PLEKHG7: variants seen among roughly 807,000 people sequenced by gnomAD.
PLEKHG7 encodes the protein pleckstrin homology and RhoGEF domain containing G7, also known as pleckstrin homology domain-containing family G member 7.
Under a neutral mutation model 85.2 loss-of-function variants are expected in PLEKHG7, and 77 were observed. The ratio of observed to expected loss-of-function variants is 0.90; its 90% confidence interval spans 0.75 to 1.09. PLEKHG7 has a LOEUF of 1.09. PLEKHG7 is among the 50% of genes least tolerant of loss of function. The pLI is 0.00. For synonymous variants in PLEKHG7, 301 were observed against 302.4 expected (o/e 1.00, Z 0.05); for missense variants, 777 against 804.3 (o/e 0.97, Z 0.41).
intron 15 of PLEKHG7, among the ~76,000 whole-genome samples, chr12:92,767,092 T>A (rs1347978718): frequency 1.3e-5 from 2 of 152,172 alleles, no homozygotes; most frequent in Admixed American, 1.3e-4. Flanking sequence ...AAAATTAATA[T>A]GTTTCCTCAT....
chr12:92,755,913 T>G lies in PLEKHG7; in HGVS notation c.1515T>G (p.Asp505Glu). Reference sequence around the variant, plus strand: ...TTATAGTGTGGCCACCGCTTTGGGATAGAGATAAAAGGTTTTTCATTCCAG... The same window carrying G: ...TTATAGTGTGGCCACCGCTTTGGGAGAGAGATAAAAGGTTTTTCATTCCAG... ...QEIIVWPPLWDRDKRFFIPEC... is the reference protein window; with the variant it reads ...QEIIVWPPLWERDKRFFIPEC... Residue 505 changes from aspartate (D) to glutamate (E), a missense_variant, in exon 12 of 17, where the codon GAT (aspartate) becomes GAG (glutamate). Physicochemically the swap from Asp to Glu is conservative, Grantham distance 45 (BLOSUM62 2). Around this residue, in one of 3 missense-constraint regions of PLEKHG7, gnomAD observed 520 missense variants for 544.0 expected, o/e 0.96. Coordinates refer to ENST00000344636, the MANE Select transcript of PLEKHG7 (RefSeq NM_001377329.1). The G allele has an allele frequency of 2.5e-6, 4 of 1,612,388 alleles. No individual in the cohort carries two copies. The African/African-American group carries it at 4.0e-5, about 16-fold the overall frequency.
At chr12:92,765,325 TAAAA>T (rs59974651) in intron 15 of PLEKHG7, among the ~76,000 whole-genome samples, 8 of 128,900 alleles carry the variant, frequency 6.2e-5, no homozygotes, top group Admixed American at 7.9e-5. Context: ...AGTCTCTTAT[TAAAA>T]AAAAAAAAAA....
rs1274703092 is a variant in PLEKHG7, at chr12:92,736,499, G to A, written c.717G>A (p.Lys239=). The A allele has an allele frequency of 1.6e-6, 2 of 1,231,734 alleles. No individual in the cohort carries two copies. Among genetic ancestry groups the A allele is most frequent in the Non-Finnish European group, 2.0e-6 (2 of 987,720 alleles). 76.3% of individuals were successfully genotyped at this position (1,231,734 alleles called of 1,614,324 possible). The change falls in exon 6 of 17, where the codon AAG becomes AAA. Residue 239 remains lysine (K), a synonymous_variant. Transcript: ENST00000344636. The part of the protein sequence containing the change: ...SKRGVGKDKH[K]HISDLENCLS... ...TCGAGCAGGGCAAAGACAAACACAA[G>A]CACATATCTGATCTGGAAAACTGCC...
rs543649223 is a variant in PLEKHG7, at chr12:92,727,528, G to A, written c.531-1465G>A. On this transcript the variant is annotated intron_variant, in intron 3 of 16. Coordinates refer to ENST00000344636, the MANE Select transcript of PLEKHG7 (RefSeq NM_001377329.1). ...ATGTGATATTTGATTTTCTGCATCT[G>A]GATTAGTTTACTTAGGATAATGGCC... 2.0e-5 allele frequency among the ~76,000 whole-genome samples: 3 copies of A among 152,218 alleles called. No individual in the cohort carries two copies. The East Asian group carries it at 5.8e-4, about 29-fold the overall frequency.
chr12:92,742,490 G>A (rs1484828255), intron 9 of PLEKHG7, among the ~76,000 whole-genome samples: 1 of 152,050 alleles, frequency 6.6e-6, no homozygotes, highest in Non-Finnish European at 1.5e-5. Flanking sequence ...CATGAAGAAG[G>A]AAGAGTTTTA....
chr12:92,726,300 G>T (rs1239622290), intron 3 of PLEKHG7, among the ~76,000 whole-genome samples: 1 of 152,118 alleles, frequency 6.6e-6, no homozygotes, highest in East Asian at 1.9e-4. Context: ...CTTTGGGGGT[G>T]GGAGAGTGCT....
At chr12:92,715,033 TAGATA>T (rs1392190226) in intron 3 of PLEKHG7, among the ~76,000 whole-genome samples, 2 of 151,250 alleles carry the variant, frequency 1.3e-5, no homozygotes, top group African/African-American at 4.9e-5. Flanking sequence ...GATAGATAGA[TAGATA>T]GATAGATAGA....
At chr12:92,734,875 T>G (rs186369963) in intron 5 of PLEKHG7, among the ~76,000 whole-genome samples, 1 of 152,356 alleles carries the variant, frequency 6.6e-6, no homozygotes, top group East Asian at 1.9e-4. Flanking sequence ...TCTCGATTTC[T>G]TTACCCTGTG....
At chr12:92,712,385 C>T (rs981021256) in intron 3 of PLEKHG7, among the ~76,000 whole-genome samples, 3 of 152,212 alleles carry the variant, frequency 2.0e-5, no homozygotes, top group Admixed American at 2.0e-4. Flanking sequence ...TTCGCCAAGT[C>T]ACTGGCTGCA....
rs761154449 is a variant in PLEKHG7 at position 92,755,915 on chromosome 12, G to A, written c.1517G>A (p.Arg506Lys). The A allele has an allele frequency of 6.2e-7, 1 of 1,609,880 alleles. No homozygotes were observed. The highest frequency in any genetic ancestry group is 2.2e-5 in the East Asian group (1 of 44,836). The change falls in exon 12 of 17, where the codon AGA becomes AAA. Residue 506 changes from arginine (R) to lysine (K), a missense_variant. Arg to Lys is a conservative substitution (Grantham distance 26). Transcript: ENST00000344636. The stretch of plus-strand genomic sequence containing the variant: ...ATAGTGTGGCCACCGCTTTGGGATA[G>A]AGATAAAAGGTTTTTCATTCCAGAG... ...EIIVWPPLWD[R>K]DKRFFIPECL...
At position 92,761,605 on chromosome 12, in the gene PLEKHG7, GAAA is replaced by G. The variant is rs1204887832; in HGVS notation, c.1637-144_1637-142del. ...GAAAGAGAGAATGAAAAGAAAGAAA[GAAA>G]AAGAAAGAAAGAAAGAAGAAAGAAA... On this transcript the variant is annotated intron_variant, in intron 13 of 16. Transcript: ENST00000344636. 6.9e-5 allele frequency: 68 copies of G among 979,152 alleles called. 1 individual carries two copies. The African/African-American group carries it at 1.4e-3, about 20-fold the overall frequency. The allele number at this position is 979,152 out of a possible 1,614,324, so 60.7% of individuals were successfully genotyped here.
In PLEKHG7 at chr12:92,756,288, G is replaced by A. The variant is rs369396239; in HGVS notation, c.1543-10G>A. The A allele has an allele frequency of 8.8e-5, 139 of 1,587,318 alleles. No individual in the cohort carries two copies. Among genetic ancestry groups the A allele is most frequent in the Admixed American group, 1.7e-5 (1 of 59,786 alleles). On this transcript the variant is annotated splice_polypyrimidine_tract_variant and intron_variant, in intron 12 of 16. Transcript: ENST00000344636. ...CAACATCTCTTTTATTTTCTCGCTT[G>A]TTTTACAAGTGTTTGAAACACATTT...
chr12:92,706,964 A>G lies in PLEKHG7; in HGVS notation c.333A>G (p.Glu111=). The change falls in exon 2 of 17, where the codon GAA becomes GAG. Residue 111 remains glutamate (E), a synonymous_variant. Transcript: ENST00000344636. ...PLRLHSRLTS[E]PERALNAADS... is the part of the protein sequence containing the mutation. ...GACTCCACTCAAGATTGACCTCTGA[A>G]CCTGAAAGGGCCCTGAATGCAGCTG... is the stretch of plus-strand genomic sequence containing the variant. 1 of 1,614,088 alleles carries G rather than the reference A, an allele frequency of 6.2e-7. No homozygotes were observed. Among genetic ancestry groups the G allele is most frequent in the Non-Finnish European group, 8.5e-7 (1 of 1,180,004 alleles).
chr12:92,764,148 A>T lies in PLEKHG7; in HGVS notation c.1824A>T (p.Pro608=). 6.2e-7 allele frequency: 1 copy of T among 1,608,854 alleles called. No individual in the cohort carries two copies. Among genetic ancestry groups the T allele is most frequent in the Non-Finnish European group, 8.5e-7 (1 of 1,177,220 alleles). The change falls in exon 15 of 17, where the codon CCA becomes CCT. Residue 608 remains proline, a synonymous_variant. Coordinates refer to ENST00000344636, the MANE Select transcript of PLEKHG7 (RefSeq NM_001377329.1). ...GTACAGTACTCGATCAGCCTATTCC[A>T]CTAGATAGATTGGTAGTCAAAAGTA... ...GSCTVLDQPI[P]LDRLVVKSIE... is the part of the protein sequence containing the mutation.
rs1872517985 is a variant in PLEKHG7 at position 92,745,722 on chromosome 12, A to C, written c.1251+131A>C. The C allele has an allele frequency of 6.4e-6, 4 of 625,942 alleles. No individual in the cohort carries two copies. In the South Asian group the frequency reaches 7.8e-5, roughly 12 times the overall value. 38.8% of individuals were successfully genotyped at this position (625,942 alleles called of 1,614,324 possible). A position where few individuals can be genotyped will look rare whatever the true frequency, so the allele number is the denominator to read the frequency against. ...ATGATCAATAATATGTTTTAACTAC[A>C]AATCTGCTTTCCTCATAAATACATT... is the stretch of plus-strand genomic sequence containing the variant. On this transcript the variant is annotated intron_variant, in intron 10 of 16. Coordinates refer to ENST00000344636, the MANE Select transcript of PLEKHG7 (RefSeq NM_001377329.1).
chr12:92,741,078 T>G, intron 8 of PLEKHG7, 130 bp downstream of exon 8: 2 of 592,216 alleles, frequency 3.4e-6, no homozygotes, highest in Non-Finnish European at 5.7e-6. Flanking sequence ...GACTTCAGGT[T>G]AATAAGAAAG....
intron 11 of PLEKHG7, among the ~76,000 whole-genome samples, chr12:92,755,208 T>G (rs1466517042): frequency 6.6e-6 from 1 of 152,218 alleles, no homozygotes; most frequent in African/African-American, 2.4e-5. Flanking sequence ...GGAAGAGATT[T>G]GTGTGGCCTC....
At chr12:92,759,973 T>G (rs1169485179) in intron 13 of PLEKHG7, among the ~76,000 whole-genome samples, 1 of 152,200 alleles carries the variant, frequency 6.6e-6, no homozygotes. Context: ...GAATCCAGAT[T>G]CCTGCTGTCT....
chr12:92,731,803 A>C (rs1872001099), intron 4 of PLEKHG7, among the ~76,000 whole-genome samples: 1 of 152,178 alleles, frequency 6.6e-6, no homozygotes, highest in South Asian at 2.1e-4. Flanking sequence ...CATTTGCTCA[A>C]GCTATTGAAG....
Sources: gnomAD v4.1 joint callset for allele counts (sites outside exome capture counted in the v4.1 genomes callset) on GRCh38, gnomAD v4.1.1 for gene constraint, gnomAD v4.1.1 regional missense constraint, MANE v1.5 for transcripts, NCBI Gene and HGNC (gene_info 2026-07-23, HGNC 2026-07-21) for gene names.